The following COL12A1 variants were observed in gnomAD, a reference collection of about 807,000 sequenced individuals.
COL12A1 encodes the protein collagen type XII alpha 1 chain, also known as collagen alpha-1(XII) chain.
COL12A1 carries 114 observed loss-of-function variants against 349.7 expected under a neutral mutation model. That is an observed-to-expected ratio of 0.33 (90% CI 0.28 to 0.38). The LOEUF is 0.38. COL12A1 is among the 10% of genes least tolerant of loss of function. The probability of loss-of-function intolerance (pLI) is 1.00; values close to 1 mark genes in which losing one functional copy is unlikely to be tolerated. For missense variants in COL12A1, 3,284 were observed against 3,756.9 expected (o/e 0.87, Z 3.29); for synonymous variants, 1,369 against 1,329.0 (o/e 1.03, Z -0.66).
chr6:75,168,492 G>A (rs1439065473), intron 13 of COL12A1, among the ~76,000 whole-genome samples: 1 of 152,166 alleles, frequency 6.6e-6, no homozygotes, highest in Non-Finnish European at 1.5e-5. Flanking sequence ...TCAACAACAG[G>A]CTATGTCACC....
intron 23 of COL12A1, among the ~76,000 whole-genome samples, chr6:75,146,621 A>T (rs1767207920): frequency 6.6e-6 from 1 of 152,180 alleles, no homozygotes; most frequent in African/African-American, 2.4e-5. Flanking sequence ...TGTAATCAAC[A>T]CTATTTTTTA....
In COL12A1 at chr6:75,106,483, C is replaced by T. The variant is rs745309381; in HGVS notation, c.8114G>A (p.Ser2705Asn). Residue 2705 changes from serine (S) to asparagine (N), a missense_variant, in exon 53 of 66, where the codon AGT becomes AAT. Coordinates refer to ENST00000322507, the MANE Select transcript of COL12A1 (RefSeq NM_004370.6). ...CACTGGACTGCAGACAATGTCAAAA[C>T]TCTGGATTTGGAACTGCAAACAACC... ...ERKSAAFQIQSFDIVCSPVWT... is the reference protein window; with the variant it reads ...ERKSAAFQIQNFDIVCSPVWT... 6.2e-7 allele frequency: 1 copy of T among 1,613,916 alleles called. No individual in the cohort carries two copies. The highest frequency in any genetic ancestry group is 8.5e-7 in the Non-Finnish European group (1 of 1,179,856).
rs1480812904 is a variant in COL12A1 at position 75,183,644 on chromosome 6, G to T, written c.1297C>A (p.Arg433Ser). ...ATATCGGCTTTTATATCCACACCAC[G>T]TGAGCATTCTGTAAAGAGAAAAAAA... ...QPMKVQVECS[R>S]GVDIKADIVF... The change falls in exon 10 of 66, where the codon CGT (arginine) becomes AGT (serine). Residue 433 changes from arginine to serine, a missense_variant. Physicochemically the swap from Arg to Ser is moderately radical, Grantham distance 110. Coordinates refer to ENST00000322507, the MANE Select transcript of COL12A1 (RefSeq NM_004370.6). The T allele has an allele frequency of 2.5e-6, 4 of 1,601,490 alleles. No individual in the cohort carries two copies. Among genetic ancestry groups the T allele is most frequent in the Non-Finnish European group, 2.5e-6 (3 of 1,176,558 alleles).
intron 54 of COL12A1, among the ~76,000 whole-genome samples, chr6:75,104,260 T>C (rs1327592598): frequency 1.3e-5 from 2 of 152,162 alleles, no homozygotes; most frequent in East Asian, 1.9e-4. Context: ...CATTCAAGCA[T>C]GTTACCTCAC....
At chr6:75,184,175 A>T in intron 8 of COL12A1, 31 bp from the exon 9 acceptor site, 1 of 1,601,122 alleles carries the variant, frequency 6.2e-7, no homozygotes, top group East Asian at 2.2e-5. Flanking sequence ...AGTGATTAAT[A>T]ACAGTGAGAT....
chr6:75,096,843 C>T (rs1326322467), intron 59 of COL12A1, among the ~76,000 whole-genome samples: 5 of 144,738 alleles, frequency 3.5e-5, no homozygotes, highest in African/African-American at 1.3e-4. Context: ...TTGCAGTGAG[C>T]CGAGATCCCG....
At chr6:75,185,342 T>C (rs146272192) in intron 8 of COL12A1, among the ~76,000 whole-genome samples, 1,982 of 152,232 alleles carry the variant, frequency 0.013, 40 homozygotes, top group African/African-American at 0.046. Context: ...AGCTGAGAGC[T>C]AAATCAGGAA....
Position 75,145,999 on chromosome 6 carries a change from C to T in COL12A1, c.4560+103G>A, listed in dbSNP as rs77835025. 0.019 allele frequency: 23,566 copies of T among 1,252,564 alleles called. 1,279 individuals are homozygous for T. The highest frequency in any genetic ancestry group is 0.17 in the African/African-American group (11,378 of 65,950). The allele number at this position is 1,252,564 out of a possible 1,614,324, so 77.6% of individuals were successfully genotyped here. On this transcript the variant is annotated intron_variant, in intron 24 of 65. Coordinates refer to ENST00000322507, the MANE Select transcript of COL12A1 (RefSeq NM_004370.6). ...TACTTTTCTATTTTTCCATTTTGTA[C>T]GTAAAGTTATAAATGAGTTTGTAAG...
intron 8 of COL12A1, among the ~76,000 whole-genome samples, chr6:75,187,705 C>T (rs919745451): frequency 6.6e-6 from 1 of 152,066 alleles, no homozygotes; most frequent in African/African-American, 2.4e-5. Flanking sequence ...TATGTTTAAT[C>T]ACTTATCGAT....
chr6:75,149,445 G>GT (rs1490301158), intron 21 of COL12A1, among the ~76,000 whole-genome samples: 2 of 152,070 alleles, frequency 1.3e-5, no homozygotes, highest in Non-Finnish European at 2.9e-5. Flanking sequence ...TGGAGAGAGT[G>GT]CAAAGAAACA....
chr6:75,187,568 AGATT>A (rs1394920417), intron 8 of COL12A1, among the ~76,000 whole-genome samples: 3 of 152,166 alleles, frequency 2.0e-5, no homozygotes, highest in Non-Finnish European at 2.9e-5. Flanking sequence ...AACAAAGGAT[AGATT>A]GAGAGCCCAT....
At chr6:75,127,061 G>T (rs74678074) in intron 38 of COL12A1, among the ~76,000 whole-genome samples, 15 of 151,926 alleles carry the variant, frequency 9.9e-5, no homozygotes, top group Non-Finnish European at 8.8e-5. Flanking sequence ...ACAGCATTGC[G>T]CAAATAACGA....
At chr6:75,150,370 T>G (rs189130563) in intron 21 of COL12A1, among the ~76,000 whole-genome samples, 10 of 152,322 alleles carry the variant, frequency 6.6e-5, no homozygotes, top group Non-Finnish European at 1.3e-4. Context: ...TCCTTAGCTA[T>G]ATCTACTTTT....
intron 31 of COL12A1, among the ~76,000 whole-genome samples, chr6:75,135,390 G>T (rs1055630891): frequency 2.0e-5 from 3 of 152,118 alleles, no homozygotes; most frequent in African/African-American, 7.2e-5. Context: ...GACATGACCA[G>T]ACCTTTTGCC....
intron 31 of COL12A1, among the ~76,000 whole-genome samples, chr6:75,136,047 C>T (rs114022950): frequency 0.015 from 2,254 of 152,140 alleles, 60 homozygotes; most frequent in African/African-American, 0.052. Context: ...TCATACTTTC[C>T]AGAAGATAAG....
chr6:75,113,824 T>A (rs1440739401), intron 49 of COL12A1, 80 bp from the exon 50 acceptor site: 1 of 1,083,782 alleles, frequency 9.2e-7, no homozygotes, highest in Non-Finnish European at 1.3e-6. Flanking sequence ...TGCTTTAACA[T>A]CAAGAACAGA....
chr6:75,164,405 C>A (rs1235211900), intron 14 of COL12A1, among the ~76,000 whole-genome samples: 1 of 152,152 alleles, frequency 6.6e-6, no homozygotes, highest in Non-Finnish European at 1.5e-5. Flanking sequence ...CCAAATTCCT[C>A]TATTTCTTTT....
intron 47 of COL12A1, 42 bp from the exon 48 acceptor site, chr6:75,116,099 A>G: frequency 1.3e-6 from 2 of 1,590,528 alleles, no homozygotes; most frequent in Non-Finnish European, 1.7e-6. Flanking sequence ...CACCAACACG[A>G]TGTACAAATT....
At chr6:75,150,690 T>A (rs2300791) in intron 21 of COL12A1, among the ~76,000 whole-genome samples, 4,488 of 152,184 alleles carry the variant, frequency 0.029, 172 homozygotes, top group East Asian at 0.14. Context: ...ATGTAGTAAC[T>A]AAATGGAGTG....
Sources: allele counts gnomAD v4.1 joint callset (sites outside exome capture counted in the v4.1 genomes callset), GRCh38; gene constraint gnomAD v4.1.1; transcripts MANE v1.5; gene names NCBI Gene and HGNC (gene_info 2026-07-23, HGNC 2026-07-21).